The following NRG1 variants were observed in gnomAD, a reference collection of about 807,000 sequenced individuals.
The protein encoded by NRG1 is pro-neuregulin-1, membrane-bound isoform.
In NRG1, 18 loss-of-function variants were observed where a neutral mutation model predicts 63.8. That is an observed-to-expected ratio of 0.28 (90% confidence interval 0.19 to 0.42). The LOEUF is 0.42. Among genes scored for constraint, NRG1 ranks in the 10% least tolerant of loss-of-function variants. The probability of loss-of-function intolerance (pLI) is 1.00; values close to 1 mark genes in which losing one functional copy is unlikely to be tolerated. For missense variants in NRG1, 762 were observed against 814.7 expected (o/e 0.94, Z 0.79); for synonymous variants, 302 against 301.3 (o/e 1.00, Z -0.02).
intron 1 of NRG1, among the ~76,000 whole-genome samples, chr8:31,959,779 ATTAT>A (rs201657636): frequency 0.058 from 7,803 of 134,614 alleles, 411 homozygotes; most frequent in African/African-American, 0.1. Context: ...GCAACCACCG[ATTAT>A]TTATTTATTT....
chr8:32,758,308 G>A (rs541660420), intron 9 of NRG1, among the ~76,000 whole-genome samples: 25 of 152,260 alleles, frequency 1.6e-4, no homozygotes, highest in Admixed American at 1.6e-3. Context: ...TAGGCATGGT[G>A]GCTCACACCT....
intron 1 of NRG1, among the ~76,000 whole-genome samples, chr8:32,381,202 G>A (rs1056654811): frequency 3.9e-5 from 6 of 152,104 alleles, no homozygotes; most frequent in Non-Finnish European, 8.8e-5. Flanking sequence ...TTCCAGCTTG[G>A]TGCCTCCAAG....
chr8:31,703,455 A>G (rs986829714), intron 1 of NRG1, among the ~76,000 whole-genome samples: 3 of 152,134 alleles, frequency 2.0e-5, no homozygotes, highest in African/African-American at 7.2e-5. Flanking sequence ...AAGGAAATAC[A>G]TTTGTTTTGC....
intron 1 of NRG1, among the ~76,000 whole-genome samples, chr8:31,916,248 A>G (rs1442724318): frequency 6.6e-6 from 1 of 152,078 alleles, no homozygotes; most frequent in Non-Finnish European, 1.5e-5. Context: ...TTTAGGGTAT[A>G]TGTGCACAAT....
intron 1 of NRG1, among the ~76,000 whole-genome samples, chr8:32,161,552 T>C (rs1838833173): frequency 7.1e-6 from 1 of 141,620 alleles, no homozygotes. Context: ...ATTTTGTTGG[T>C]GTTTCATGCA....
At chr8:32,145,714 C>T (rs565382525) in intron 1 of NRG1, among the ~76,000 whole-genome samples, 1 of 152,320 alleles carries the variant, frequency 6.6e-6, no homozygotes, top group South Asian at 2.1e-4. Flanking sequence ...TTTTAGATGA[C>T]ATTAGCCATC....
In NRG1 at chr8:31,840,718, G is replaced by A. The variant is rs73671911; in HGVS notation, c.37+201287G>A. Among the ~76,000 whole-genome samples the A allele has an allele frequency of 8.5e-3, 1,291 of 152,190 alleles. 22 individuals carry two copies. Among genetic ancestry groups the A allele is most frequent in the African/African-American group, 0.029 (1,205 of 41,532 alleles). On this transcript the variant is annotated intron_variant, in intron 1 of 10. Coordinates refer to the NRG1 transcript ENST00000519301. ...ACAGATCCATTTTTCTCTGTGTGAC[G>A]GAGGTTACATAATTATATCAGTGGA...
At chr8:32,216,507 A>G (rs947890641) in intron 1 of NRG1, among the ~76,000 whole-genome samples, 3 of 149,414 alleles carry the variant, frequency 2.0e-5, no homozygotes, top group Non-Finnish European at 4.4e-5. Context: ...TTCTCTTGAC[A>G]ACCTTACTAA....
intron 1 of NRG1, among the ~76,000 whole-genome samples, chr8:32,258,281 T>G (rs905390471): frequency 9.2e-5 from 14 of 152,168 alleles, no homozygotes; most frequent in Non-Finnish European, 1.6e-4. Flanking sequence ...GAGGAAAAAA[T>G]AAAGATTTGA....
chr8:32,597,781 G>A (rs147539878), intron 2 of NRG1, among the ~76,000 whole-genome samples: 11 of 152,076 alleles, frequency 7.2e-5, no homozygotes, highest in Non-Finnish European at 1.3e-4. Flanking sequence ...AGATCATAGT[G>A]GTAATTAATG....
At chr8:31,740,406 C>T (rs1387607991) in intron 1 of NRG1, among the ~76,000 whole-genome samples, 2 of 151,990 alleles carry the variant, frequency 1.3e-5, no homozygotes, top group African/African-American at 4.8e-5. Flanking sequence ...AGTTGTCTTG[C>T]ATTATGAGTA....
chr8:32,495,004 A>G (rs2129495397), intron 1 of NRG1, among the ~76,000 whole-genome samples: 1 of 152,382 alleles, frequency 6.6e-6, no homozygotes, highest in East Asian at 1.9e-4. Context: ...ACAAAAAAAT[A>G]CAGAGAAACA....
intron 1 of NRG1, among the ~76,000 whole-genome samples, chr8:32,008,481 A>T (rs1389725290): frequency 2.0e-5 from 3 of 152,048 alleles, no homozygotes; most frequent in Non-Finnish European, 4.4e-5. Context: ...TAATCTGCCT[A>T]GTTCGGTTTC....
intron 1 of NRG1, among the ~76,000 whole-genome samples, chr8:31,913,318 A>G (rs2129617676): frequency 6.6e-6 from 1 of 152,278 alleles, no homozygotes; most frequent in South Asian, 2.1e-4. Flanking sequence ...TTTTCAAAGT[A>G]GGAAAAAGGG....
At chr8:32,714,764 G>A (rs1818735046) in intron 5 of NRG1, among the ~76,000 whole-genome samples, 1 of 152,094 alleles carries the variant, frequency 6.6e-6, no homozygotes, top group Admixed American at 6.5e-5. Flanking sequence ...TCACAGGCAT[G>A]CGCATGCACA....
chr8:32,424,244 C>T (rs1350524274), intron 1 of NRG1, among the ~76,000 whole-genome samples: 1 of 152,076 alleles, frequency 6.6e-6, no homozygotes, highest in Non-Finnish European at 1.5e-5. Context: ...CATTTCTTGA[C>T]TTGTGGCATC....
intron 1 of NRG1, among the ~76,000 whole-genome samples, chr8:32,334,445 C>G (rs924049117): frequency 1.3e-5 from 2 of 152,130 alleles, no homozygotes; most frequent in Admixed American, 6.6e-5. Flanking sequence ...CCCTGATTAT[C>G]CAGACATTGA....
chr8:32,326,804 A>G (rs1401321429), intron 1 of NRG1, among the ~76,000 whole-genome samples: 1 of 152,198 alleles, frequency 6.6e-6, no homozygotes, highest in Non-Finnish European at 1.5e-5. Flanking sequence ...ATAAGTATTA[A>G]AGTCATATTT....
At chr8:31,961,888 T>C (rs1260299544) in intron 1 of NRG1, among the ~76,000 whole-genome samples, 1 of 152,204 alleles carries the variant, frequency 6.6e-6, no homozygotes, top group Non-Finnish European at 1.5e-5. Context: ...AAATTAAATT[T>C]GTCAAAGCAA....
Sources: gnomAD v4.1 joint callset for allele counts (sites outside exome capture counted in the v4.1 genomes callset) on GRCh38, gnomAD v4.1.1 for gene constraint, MANE v1.5 for transcripts, NCBI Gene and HGNC (gene_info 2026-07-23, HGNC 2026-07-21) for gene names.